The following SMCO4 variants were observed in gnomAD, a reference collection of about 807,000 sequenced individuals.
The protein encoded by SMCO4 is single-pass membrane and coiled-coil domain-containing protein 4.
Under a neutral mutation model 3.6 loss-of-function variants are expected in SMCO4, and 4 were observed. The observed-to-expected ratio is 1.11, with a 90% CI of 0.54 to 2.53. The LOEUF is 2.53. SMCO4 is among the 30% of genes most tolerant of loss of function. SMCO4 has a pLI of 0.02. For missense variants in SMCO4, 70 were observed against 80.8 expected (o/e 0.87, Z 0.51); for synonymous variants, 36 against 35.3 (o/e 1.02, Z -0.07).
chr11:93,480,696 G>C (rs1948582072), intron 2 of SMCO4, among the ~76,000 whole-genome samples: 1 of 152,166 alleles, frequency 6.6e-6, no homozygotes, highest in Admixed American at 6.5e-5. Context: ...TTTTGTCCCA[G>C]GGTAGTGGGT....
At chr11:93,519,163 G>C (rs937959792) in intron 1 of SMCO4, among the ~76,000 whole-genome samples, 2 of 152,176 alleles carry the variant, frequency 1.3e-5, no homozygotes, top group Admixed American at 6.5e-5. Context: ...CCTGCATCTG[G>C]TGTTTCAGCA....
chr11:93,531,527 C>T (rs1474747055), intron 1 of SMCO4, among the ~76,000 whole-genome samples: 1 of 152,220 alleles, frequency 6.6e-6, no homozygotes, highest in Non-Finnish European at 1.5e-5. Context: ...TGTGAGCCAA[C>T]ACCTTATAAT....
chr11:93,504,735 A>G (rs118172706), intron 1 of SMCO4, among the ~76,000 whole-genome samples: 1 of 152,334 alleles, frequency 6.6e-6, no homozygotes, highest in East Asian at 1.9e-4. Context: ...TACAAATAGT[A>G]TATTAACATT....
intron 1 of SMCO4, among the ~76,000 whole-genome samples, chr11:93,522,457 G>A (rs764430601): frequency 1.3e-5 from 2 of 152,206 alleles, no homozygotes; most frequent in South Asian, 2.1e-4. Context: ...ACCAGTTTAC[G>A]CAACACAAGA....
the SMCO4 span, among the ~76,000 whole-genome samples, chr11:93,553,309 G>A: frequency 2.0e-5 from 3 of 152,296 alleles, no homozygotes; most frequent in East Asian, 5.8e-4. Flanking sequence ...ATGGTCTACA[G>A]GCAGCTTTGA....
At chr11:93,538,202 C>T (rs1949244240) in intron 1 of SMCO4, among the ~76,000 whole-genome samples, 1 of 152,204 alleles carries the variant, frequency 6.6e-6, no homozygotes, top group Admixed American at 6.5e-5. Flanking sequence ...TGGCTTGGCG[C>T]CCCGCAGAGA....
At chr11:93,491,356 T>G (rs1023770280) in intron 2 of SMCO4, among the ~76,000 whole-genome samples, 2 of 152,220 alleles carry the variant, frequency 1.3e-5, no homozygotes, top group Non-Finnish European at 2.9e-5. Flanking sequence ...AAGAATAAAA[T>G]TTCCTTTGGC....
At chr11:93,550,971 C>T in the SMCO4 span, among the ~76,000 whole-genome samples, 1 of 152,106 alleles carries the variant, frequency 6.6e-6, no homozygotes, top group African/African-American at 2.4e-5. Context: ...GTCTTTTTCC[C>T]CAAGGGAGCT....
intron 2 of SMCO4, among the ~76,000 whole-genome samples, chr11:93,484,190 G>C (rs900574134): frequency 6.6e-6 from 1 of 152,212 alleles, no homozygotes; most frequent in Non-Finnish European, 1.5e-5. Flanking sequence ...GTATGTGTGG[G>C]CAGGAGACCA....
At chr11:93,534,792 G>GC (rs1309353742) in intron 1 of SMCO4, among the ~76,000 whole-genome samples, 1 of 152,122 alleles carries the variant, frequency 6.6e-6, no homozygotes. Context: ...TGCAGGGAGG[G>GC]CCCCGAGATC....
upstream of SMCO4, chr11:93,543,519 C>G (rs1949291656): frequency 6.5e-6 from 1 of 153,016 alleles, no homozygotes; most frequent in Admixed American, 6.5e-5. Context: ...GTTCCCGGCT[C>G]AGACTGTCGC....
rs779314812 is a variant in SMCO4 at position 93,479,203 on chromosome 11, T to A, written c.-14A>T. 1.7e-5 allele frequency: 28 copies of A among 1,612,040 alleles called. No homozygotes were observed. The highest frequency in any genetic ancestry group is 2.0e-5 in the Non-Finnish European group (24 of 1,178,964). On this transcript the variant is annotated 5_prime_UTR_variant, in exon 3 of 3. Transcript: ENST00000298966. ...GAGCTGCCGCATCTTTCCTAGAGGA[T>A]GCTAGGAGGGTGTGTCCAGAGGGAT...
intron 1 of SMCO4, among the ~76,000 whole-genome samples, chr11:93,530,975 G>T (rs940515495): frequency 6.6e-6 from 1 of 152,216 alleles, no homozygotes; most frequent in Non-Finnish European, 1.5e-5. Context: ...TTTAGAAATA[G>T]GGTCTTTGCA....
intron 1 of SMCO4, among the ~76,000 whole-genome samples, chr11:93,500,203 G>A (rs1368115515): frequency 2.6e-5 from 4 of 152,164 alleles, no homozygotes; most frequent in Non-Finnish European, 5.9e-5. Context: ...TCAGCAATCA[G>A]TGCTGAGTTC....
At chr11:93,516,823 G>A (rs2134617116) in intron 1 of SMCO4, among the ~76,000 whole-genome samples, 1 of 152,148 alleles carries the variant, frequency 6.6e-6, no homozygotes, top group African/African-American at 2.4e-5. Context: ...AGTAGAGAGA[G>A]AGATCTACAT....
chr11:93,542,986 A>G (rs1470951451), intron 1 of SMCO4, among the ~76,000 whole-genome samples: 1 of 148,766 alleles, frequency 6.7e-6, no homozygotes, highest in African/African-American at 2.5e-5. Flanking sequence ...GTCCGCCCCA[A>G]CTTTTCCCAG....
chr11:93,550,577 A>G, the SMCO4 span, among the ~76,000 whole-genome samples: 1 of 152,192 alleles, frequency 6.6e-6, no homozygotes, highest in Non-Finnish European at 1.5e-5. Context: ...TGGGGGGCTG[A>G]GGCAGGAGGA....
In SMCO4 at chr11:93,534,201, A is replaced by T. The variant is rs572637501; in HGVS notation, c.-154+9075T>A. Among the ~76,000 whole-genome samples the T allele has an allele frequency of 1.3e-3, 161 of 121,964 alleles. 1 individual carries two copies. The highest frequency in any genetic ancestry group is 4.8e-3 in the African/African-American group (144 of 30,006). 80.0% of individuals were successfully genotyped at this position (121,964 alleles called of 152,430 possible). ...ATGAGACTCCGTCTCAAAAAAAAAA[A>T]AAAAATATATATATACACACACACA... is the stretch of plus-strand genomic sequence containing the variant. On this transcript the variant is annotated intron_variant, in intron 1 of 2. Coordinates refer to ENST00000298966, the MANE Select transcript of SMCO4 (RefSeq NM_020179.3).
chr11:93,537,562 C>T (rs913357275), intron 1 of SMCO4, among the ~76,000 whole-genome samples: 2 of 151,946 alleles, frequency 1.3e-5, no homozygotes, highest in Non-Finnish European at 2.9e-5. Context: ...CACACCCAAA[C>T]ACGCACCTAA....
Sources: allele counts gnomAD v4.1 joint callset (sites outside exome capture counted in the v4.1 genomes callset), GRCh38; gene constraint gnomAD v4.1.1; transcripts MANE v1.5; gene names NCBI Gene and HGNC (gene_info 2026-07-23, HGNC 2026-07-21).